RUNX1T1: variants seen among roughly 807,000 people sequenced by gnomAD.
RUNX1T1 encodes RUNX1 partner transcriptional co-repressor 1.
In RUNX1T1, 4 loss-of-function variants were observed where a neutral mutation model predicts 62.8. The ratio of observed to expected loss-of-function variants is 0.06; its 90% CI spans 0.03 to 0.15. RUNX1T1 has a LOEUF of 0.15. RUNX1T1 is among the 10% of genes least tolerant of loss of function. RUNX1T1 has a pLI of 1.00. For synonymous variants in RUNX1T1, 291 were observed against 286.0 expected (o/e 1.02, Z -0.18); for missense variants, 508 against 754.3 (o/e 0.67, Z 3.82).
chr8:91,991,307 G>A (rs895640178), intron 6 of RUNX1T1, among the ~76,000 whole-genome samples: 2 of 152,116 alleles, frequency 1.3e-5, no homozygotes, highest in Non-Finnish European at 2.9e-5. Flanking sequence ...TGCATATGAA[G>A]TCTCATGTTG....
exon 1 of RUNX1T1, chr8:92,062,688 G>A: frequency 2.5e-6 from 4 of 1,612,028 alleles, no homozygotes; most frequent in Non-Finnish European, 3.4e-6. Flanking sequence ...ATCGCCGGAG[G>A]CAGGGTGCTG....
intron 1 of RUNX1T1, among the ~76,000 whole-genome samples, chr8:92,034,256 C>T (rs1227145653): frequency 6.6e-6 from 1 of 152,112 alleles, no homozygotes; most frequent in Non-Finnish European, 1.5e-5. Flanking sequence ...CAAACACTAG[C>T]TGACTGAGAG....
At chr8:92,026,887 A>G (rs1446841870) in intron 1 of RUNX1T1, among the ~76,000 whole-genome samples, 2 of 147,172 alleles carry the variant, frequency 1.4e-5, no homozygotes, top group South Asian at 4.4e-4. Flanking sequence ...GGAGGCCGAG[A>G]CGGGCGGATC....
At position 92,095,425 on chromosome 8, in the gene RUNX1T1, A is replaced by G. The variant is rs1480908559; in HGVS notation, c.-86+4155T>C. 14 of 1,535,504 alleles carry G rather than the reference A, an allele frequency of 9.1e-6. No individual in the cohort carries two copies. The highest frequency in any genetic ancestry group is 1.7e-4 in the Middle Eastern group (1 of 5,988). On this transcript the variant is annotated intron_variant, in intron 1 of 11. Coordinates refer to the RUNX1T1 transcript ENST00000265814. ...GCGGCTTTGTATTCATTAAACACAC[A>G]TTGGAGCTTATCAGAAGTAAAAGCC...
chr8:92,040,782 A>C (rs537553611), intron 1 of RUNX1T1, among the ~76,000 whole-genome samples: 2 of 152,206 alleles, frequency 1.3e-5, no homozygotes, highest in Non-Finnish European at 2.9e-5. Flanking sequence ...GCATGTGCCT[A>C]CAGTCACAGC....
At chr8:91,995,355 G>A (rs1818459031) in intron 5 of RUNX1T1, among the ~76,000 whole-genome samples, 1 of 152,164 alleles carries the variant, frequency 6.6e-6, no homozygotes, top group Admixed American at 6.5e-5. Context: ...TGTCCTAAAA[G>A]GCAGGCTAGG....
Position 91,996,191 on chromosome 8 carries a change from T to G in RUNX1T1, c.660-4302A>C, listed in dbSNP as rs147936456. Among the ~76,000 whole-genome samples, 1,086 of 149,354 alleles carry G rather than the reference T, an allele frequency of 7.3e-3. 13 individuals carry two copies. Among genetic ancestry groups the G allele is most frequent in the African/African-American group, 0.026 (1,012 of 38,936 alleles). ...AAAGTTTTATTTTATTTGTTTTTTA[T>G]TTTTTTTATTTTTATTTTTACTTTT... On this transcript the variant is annotated intron_variant, in intron 5 of 10. Coordinates refer to ENST00000396218, the Ensembl canonical transcript of RUNX1T1.
intron 6 of RUNX1T1, 31 bp downstream of exon 7, chr8:91,991,608 C>T (rs762065766): frequency 1.8e-5 from 28 of 1,595,192 alleles, no homozygotes; most frequent in African/African-American, 8.1e-5. Flanking sequence ...CACCCAATCC[C>T]GTAAGAAGTG....
At chr8:91,957,196 A>G (rs1343485413), downstream of RUNX1T1, 3 of 217,006 alleles carry the variant, frequency 1.4e-5, no homozygotes, top group African/African-American at 6.7e-5. Flanking sequence ...TATAAGTGAC[A>G]AGCAAAAAAG....
At position 92,005,088 on chromosome 8, in the gene RUNX1T1, G is replaced by T. The variant is rs144713958; in HGVS notation, c.659+28C>A. The T allele has an allele frequency of 3.8e-4, 590 of 1,567,330 alleles. 4 individuals are homozygous for T. In the East Asian group the frequency reaches 0.011, roughly 29 times the overall value. On this transcript the variant is annotated intron_variant, in intron 5 of 10. Transcript: ENST00000396218. ...CCACAGGTATGGGAAAAAGGTCATG[G>T]TTCATCCAGGCTCCTCCTCCCTCTC... is the stretch of plus-strand genomic sequence containing the variant.
intron 1 of RUNX1T1, among the ~76,000 whole-genome samples, chr8:92,033,734 G>A (rs1447689155): frequency 6.6e-6 from 1 of 152,170 alleles, no homozygotes; most frequent in East Asian, 1.9e-4. Flanking sequence ...AACTTTGGGA[G>A]GCTGAAGCGG....
chr8:91,962,249 G>A (rs1485087423), intron 10 of RUNX1T1, among the ~76,000 whole-genome samples: 1 of 151,972 alleles, frequency 6.6e-6, no homozygotes, highest in Non-Finnish European at 1.5e-5. Context: ...ATGTTGAGCA[G>A]AAAAGCTCAA....
At chr8:92,082,931 C>T (rs113040199) in intron 1 of RUNX1T1, among the ~76,000 whole-genome samples, 133 of 151,994 alleles carry the variant, frequency 8.8e-4, no homozygotes, top group Middle Eastern at 3.4e-3. Flanking sequence ...AGAGGGAGAC[C>T]GTGGCAACTA....
At chr8:92,094,604 T>A (rs1837515799) in intron 1 of RUNX1T1, among the ~76,000 whole-genome samples, 2 of 152,142 alleles carry the variant, frequency 1.3e-5, no homozygotes, top group African/African-American at 4.8e-5. Flanking sequence ...CATCAATTTA[T>A]CACGCATTTA....
intron 1 of RUNX1T1, among the ~76,000 whole-genome samples, chr8:92,090,860 C>T (rs1303227505): frequency 6.6e-6 from 1 of 152,084 alleles, no homozygotes; most frequent in African/African-American, 2.4e-5. Flanking sequence ...GGCTGGAGTT[C>T]TTTGAAATGA....
At chr8:92,075,223 T>C (rs1458046042) in intron 2 of RUNX1T1, among the ~76,000 whole-genome samples, 2 of 152,224 alleles carry the variant, frequency 1.3e-5, no homozygotes, top group Admixed American at 6.5e-5. Flanking sequence ...ACTCTCAACT[T>C]TTTCTTAGCA....
upstream of RUNX1T1, among the ~76,000 whole-genome samples, chr8:92,065,370 T>C (rs1832724245): frequency 6.6e-6 from 1 of 152,188 alleles, no homozygotes; most frequent in Admixed American, 6.5e-5. Context: ...AAAACTAAAA[T>C]ATATCCCAAT....
exon 2 of RUNX1T1, chr8:92,076,021 G>T: frequency 6.2e-7 from 1 of 1,611,398 alleles, no homozygotes. Context: ...TAAACTCAGT[G>T]CTCTCCAAGT....
chr8:91,961,288 G>C (rs1563600797), intron 10 of RUNX1T1, among the ~76,000 whole-genome samples: 2 of 152,188 alleles, frequency 1.3e-5, no homozygotes, highest in African/African-American at 4.8e-5. Context: ...ATTTGGCTTT[G>C]AGAAATGAGA....
Sources: allele counts gnomAD v4.1 joint callset (sites outside exome capture counted in the v4.1 genomes callset), GRCh38; gene constraint gnomAD v4.1.1; transcripts MANE v1.5; gene names NCBI Gene and HGNC (gene_info 2026-07-23, HGNC 2026-07-21).